Variants in ROBO2 observed in about 807,000 individuals in gnomAD.
The protein encoded by ROBO2 is roundabout homolog 2.
A neutral mutation model predicts 160.8 loss-of-function variants in ROBO2; 53 were observed. That is an observed-to-expected ratio of 0.33 (90% confidence interval 0.26 to 0.41). ROBO2 has a LOEUF of 0.41. Ranked by LOEUF, ROBO2 falls within the 10% of genes least tolerant of loss-of-function variation. The pLI, the probability that ROBO2 is intolerant of heterozygous loss-of-function variation, is 1.00. For synonymous variants in ROBO2, 664 were observed against 611.7 expected (o/e 1.09, Z -1.26); for missense variants, 1,577 against 1,722.4 (o/e 0.92, Z 1.49).
intron 2 of ROBO2, among the ~76,000 whole-genome samples, chr3:76,533,493 C>T (rs201240435): frequency 7.9e-5 from 12 of 152,104 alleles, no homozygotes; most frequent in African/African-American, 2.7e-4. Context: ...TTATTTTACA[C>T]CTGAAAGATT....
intron 2 of ROBO2, among the ~76,000 whole-genome samples, chr3:76,010,863 A>G (rs1450702204): frequency 6.6e-6 from 1 of 152,208 alleles, no homozygotes; most frequent in East Asian, 1.9e-4. Flanking sequence ...GGAAATTTGC[A>G]ACATAAAGTA....
At chr3:76,712,152 AC>A (rs2093306465) in intron 2 of ROBO2, among the ~76,000 whole-genome samples, 1 of 152,166 alleles carries the variant, frequency 6.6e-6, no homozygotes, top group Non-Finnish European at 1.5e-5. Context: ...AAAATCTAAC[AC>A]ATTTTAAAAT....
At chr3:76,891,568 G>C (rs145647716) in intron 2 of ROBO2, among the ~76,000 whole-genome samples, 577 of 151,254 alleles carry the variant, frequency 3.8e-3, no homozygotes, top group Non-Finnish European at 6.2e-3. Context: ...GCAAGCTCCA[G>C]TTGATGGTAT....
chr3:76,634,858 A>T (rs55998829), intron 2 of ROBO2, among the ~76,000 whole-genome samples: 52,135 of 152,088 alleles, frequency 0.34, 9,533 homozygotes, highest in South Asian at 0.46. Flanking sequence ...CACAAGCATT[A>T]CCTCCAGAGC....
At chr3:76,157,177 A>G (rs2072439842) in intron 2 of ROBO2, among the ~76,000 whole-genome samples, 1 of 152,156 alleles carries the variant, frequency 6.6e-6, no homozygotes, top group Admixed American at 6.5e-5. Context: ...CTTATCAGTA[A>G]GGTATGCATC....
intron 2 of ROBO2, among the ~76,000 whole-genome samples, chr3:77,410,564 TTCTTCCTCCTCC>T (rs1560757366): frequency 6.0e-5 from 5 of 83,878 alleles, no homozygotes; most frequent in Admixed American, 1.2e-4. Flanking sequence ...CTTCCTCCTC[TTCTTCCTCCTCC>T]TCTTCCTCCT....
intron 2 of ROBO2, among the ~76,000 whole-genome samples, chr3:76,718,819 A>G (rs2093422347): frequency 6.6e-6 from 1 of 152,146 alleles, no homozygotes; most frequent in African/African-American, 2.4e-5. Context: ...GACTTTATTC[A>G]CTTGAAAACT....
intron 19 of ROBO2, among the ~76,000 whole-genome samples, chr3:77,597,296 AAAAT>A (rs754183877): frequency 5.8e-5 from 7 of 121,310 alleles, no homozygotes; most frequent in South Asian, 6.1e-4. Flanking sequence ...CTGTTATCCA[AAAAT>A]AAATAAATAA....
chr3:76,641,929 G>C lies in ROBO2; in HGVS notation c.110-456085G>C, dbSNP rs188515282. Among the ~76,000 whole-genome samples the C allele has an allele frequency of 9.8e-4, 149 of 152,006 alleles. 1 individual carries two copies. Among genetic ancestry groups the C allele is most frequent in the Middle Eastern group, 3.4e-3 (1 of 294 alleles). On this transcript the variant is annotated intron_variant, in intron 2 of 26. Transcript: ENST00000487694. ...ATTTTTTATTTTATTTTATTTTGTA[G>C]AGATGGTCTCGAACTCTTGGGCTCA...
intron 2 of ROBO2, among the ~76,000 whole-genome samples, chr3:77,127,022 C>T (rs929538689): frequency 6.6e-6 from 1 of 151,716 alleles, no homozygotes; most frequent in African/African-American, 2.4e-5. Flanking sequence ...ATCTCCTGAC[C>T]TCATGATCCG....
intron 2 of ROBO2, among the ~76,000 whole-genome samples, chr3:76,344,094 A>G (rs1423929280): frequency 6.6e-6 from 1 of 152,144 alleles, no homozygotes; most frequent in Non-Finnish European, 1.5e-5. Flanking sequence ...ATGACAGTAA[A>G]TTCTTAAACT....
chr3:76,020,222 T>G (rs1426327766), intron 2 of ROBO2, among the ~76,000 whole-genome samples: 2 of 151,922 alleles, frequency 1.3e-5, no homozygotes, highest in Non-Finnish European at 2.9e-5. Flanking sequence ...ATATTTAAAC[T>G]GCCTAATTTT....
chr3:76,301,439 G>T (rs1321863975), intron 2 of ROBO2, among the ~76,000 whole-genome samples: 1 of 151,954 alleles, frequency 6.6e-6, no homozygotes, highest in Non-Finnish European at 1.5e-5. Flanking sequence ...ACAAAACCTG[G>T]GATACACATT....
At chr3:76,561,740 C>G (rs2084196064) in intron 2 of ROBO2, among the ~76,000 whole-genome samples, 1 of 152,110 alleles carries the variant, frequency 6.6e-6, no homozygotes, top group African/African-American at 2.4e-5. Context: ...AAATTTCCTG[C>G]CTACTCTTTA....
At chr3:75,979,316 TA>T in intron 2 of ROBO2, among the ~76,000 whole-genome samples, 1 of 151,620 alleles carries the variant, frequency 6.6e-6, no homozygotes, top group Non-Finnish European at 1.5e-5. Flanking sequence ...CACACATATA[TA>T]GAGAGAGATA....
intron 2 of ROBO2, among the ~76,000 whole-genome samples, chr3:75,997,585 C>G (rs370593636): frequency 6.7e-6 from 1 of 149,768 alleles, no homozygotes; most frequent in African/African-American, 2.4e-5. Flanking sequence ...CTCTGCCTCC[C>G]GGGTTCATGC....
At chr3:77,470,994 T>G (rs908997939) in intron 2 of ROBO2, among the ~76,000 whole-genome samples, 15 of 152,220 alleles carry the variant, frequency 9.9e-5, no homozygotes, top group African/African-American at 1.4e-4. Flanking sequence ...TCTTAGATTA[T>G]CTTTCTCGTA....
At chr3:77,467,492 A>G (rs2082881742) in intron 2 of ROBO2, among the ~76,000 whole-genome samples, 1 of 152,160 alleles carries the variant, frequency 6.6e-6, no homozygotes, top group South Asian at 2.1e-4. Flanking sequence ...ACCAGACTGA[A>G]AAGCTAGAAG....
intron 2 of ROBO2, among the ~76,000 whole-genome samples, chr3:76,485,643 A>T (rs2079452294): frequency 6.6e-6 from 1 of 152,170 alleles, no homozygotes; most frequent in Admixed American, 6.6e-5. Flanking sequence ...TTTTCAGAGC[A>T]AAGGCTATAC....
Sources: allele counts gnomAD v4.1 joint callset (sites outside exome capture counted in the v4.1 genomes callset), GRCh38; gene constraint gnomAD v4.1.1; transcripts MANE v1.5; gene names NCBI Gene and HGNC (gene_info 2026-07-23, HGNC 2026-07-21).